SEMA6C: variants seen among roughly 807,000 people sequenced by gnomAD.
SEMA6C encodes the protein semaphorin 6C.
A neutral mutation model predicts 72.9 loss-of-function variants in SEMA6C; 37 were observed. The observed-to-expected ratio is 0.51, with a 90% confidence interval of 0.39 to 0.67. SEMA6C has a LOEUF of 0.67. SEMA6C is among the 30% of genes least tolerant of loss of function. The probability of loss-of-function intolerance (pLI) is 0.00; values close to 1 mark genes in which losing one functional copy is unlikely to be tolerated. For missense variants in SEMA6C, 1,189 were observed against 1,263.6 expected, an observed-to-expected ratio of 0.94 and a Z score of 0.89; for synonymous variants, 578 against 554.1, an observed-to-expected ratio of 1.04 and a Z score of -0.61.
chr1:151,134,925 C>A (rs1218294346), intron 15 of SEMA6C, 50 bp from the exon 16 acceptor site: 16 of 1,546,834 alleles, frequency 1.0e-5, no homozygotes, highest in Middle Eastern at 1.9e-4. Context: ...ACTCCAGTCA[C>A]TTTCCATTCT....
intron 15 of SEMA6C, 67 bp downstream of exon 15, chr1:151,135,094 CTG>C (rs1447546489): frequency 8.8e-6 from 14 of 1,584,688 alleles, no homozygotes; most frequent in Non-Finnish European, 1.2e-5. Context: ...CCCCAAAGAC[CTG>C]TGTTTCTGTG....
Position 151,134,409 on chromosome 1 carries a change from G to C in SEMA6C, c.1751C>G (p.Ser584Cys). 6.3e-7 allele frequency: 1 copy of C among 1,590,276 alleles called. No homozygotes were observed. Among genetic ancestry groups the C allele is most frequent in the Non-Finnish European group, 8.6e-7 (1 of 1,167,988 alleles). The change falls in exon 18 of 19, where the codon TCT becomes TGT. Residue 584 changes from serine (S) to cysteine (C), a missense_variant. Physicochemically the swap from Ser to Cys is moderately radical, Grantham distance 112 (BLOSUM62 -1). Coordinates refer to ENST00000368914, the MANE Select transcript of SEMA6C (RefSeq NM_030913.6). ...GGGACAAGAGGACTCACCATAAGCA[G>C]AATCCCCAGGGCCAGACTGACTCCC... Reference protein sequence around the residue: ...ATGSQSGPGDSAYGVRRDLPP... With the variant: ...ATGSQSGPGDCAYGVRRDLPP...
chr1:151,137,682 G>T, intron 10 of SEMA6C, 29 bp downstream of exon 10: 1 of 1,586,450 alleles, frequency 6.3e-7, no homozygotes, highest in Non-Finnish European at 8.6e-7. Flanking sequence ...GAACCCTCCA[G>T]CTACCCACCC....
At position 151,137,174 on chromosome 1, in the gene SEMA6C, G is replaced by C. The variant is rs895973400; in HGVS notation, c.757-100C>G. On this transcript the variant is annotated intron_variant, in intron 10 of 18. Transcript: ENST00000368914. ...TTAAGAGCAGTAAGGGGCTGGGCGC[G>C]GTGGCTCACGCCTGTAATCCCAACA... 3.1e-5 allele frequency: 31 copies of C among 1,007,652 alleles called. No homozygotes were observed. The East Asian group carries it at 7.1e-4, about 23-fold the overall frequency. 62.4% of individuals were successfully genotyped at this position (1,007,652 alleles called of 1,614,324 possible). A position where few individuals can be genotyped will look rare whatever the true frequency, so the allele number is the denominator to read the frequency against.
chr1:151,136,123 A>AGAACAG lies in SEMA6C; in HGVS notation c.1146_1147insCTGTTC (p.Leu381_Phe382dup), dbSNP rs765205817. 1.9e-6 allele frequency: 3 copies of AGAACAG among 1,613,976 alleles called. No homozygotes were observed. The highest frequency in any genetic ancestry group is 2.5e-6 in the Non-Finnish European group (3 of 1,179,990). Reference sequence around the variant, plus strand: ...TCATCAGGGAGGTCTCGGGAAGAGGAGAACAAGGCAGCTCCCCCTACTCCT... The same window carrying AGAACAG: ...TCATCAGGGAGGTCTCGGGAAGAGGAGAACAGGAACAAGGCAGCTCCCCCTACTCCT... On this transcript the variant is annotated inframe_insertion, in exon 13 of 19. Coordinates refer to ENST00000368914, the MANE Select transcript of SEMA6C (RefSeq NM_030913.6).
Position 151,138,041 on chromosome 1 carries a change from G to A in SEMA6C, c.612C>T (p.Ser204=), listed in dbSNP as rs1326933491. The change falls in exon 9 of 19, where the codon AGC becomes AGT. Residue 204 remains serine (S), a synonymous_variant. Coordinates refer to ENST00000368914, the MANE Select transcript of SEMA6C (RefSeq NM_030913.6). ...AGCGGAGTGGGGGCTGGGGCCCAAG[G>A]CTTCTGTAAACTACAGCATCACTGG... ...FQASDAVVYR[S]LGPQPPLRSA... 2 of 1,614,190 alleles carry A rather than the reference G, an allele frequency of 1.2e-6. No homozygotes were observed. The highest frequency in any genetic ancestry group is 1.7e-6 in the Non-Finnish European group (2 of 1,180,030).
Position 151,134,643 on chromosome 1 carries a change from G to T in SEMA6C, c.1691C>A (p.Ser564Tyr). 1.2e-6 allele frequency: 2 copies of T among 1,614,172 alleles called. No homozygotes were observed. The highest frequency in any genetic ancestry group is 1.7e-6 in the Non-Finnish European group (2 of 1,180,034). The change falls in exon 17 of 19, where the codon TCC becomes TAC. Residue 564 changes from serine (S) to tyrosine (Y), a missense_variant. By Grantham distance (144) the Ser-to-Tyr change is moderately radical. This residue lies in a region of SEMA6C where 721 missense variants were observed against 686.2 expected (regional missense o/e 1.05). Coordinates refer to ENST00000368914, the MANE Select transcript of SEMA6C (RefSeq NM_030913.6). ...TDVDQAGNQE[S>Y]MEHGDCQDGA... Reference sequence around the variant, plus strand: ...ACCTTGGCAGTCACCATGCTCCATGGATTCCTGGTTCCCAGCCTGATCCAC... The same window carrying T: ...ACCTTGGCAGTCACCATGCTCCATGTATTCCTGGTTCCCAGCCTGATCCAC...
rs758194382 is a variant in SEMA6C at position 151,138,092 on chromosome 1, G to C, written c.561C>G (p.Tyr187Ter). The C allele has an allele frequency of 6.2e-7, 1 of 1,613,982 alleles. No individual in the cohort carries two copies. The highest frequency in any genetic ancestry group is 8.5e-7 in the Non-Finnish European group (1 of 1,180,000). ...NVAIFAEGSL[Y>*]SATAADFQAS... ...CCTGGAAATCCGCAGCTGTGGCTGA[G>C]TACAGGCTGCCCTCTGGAGGGATGG... Residue 187 changes from tyrosine to a stop codon, truncating the protein, a stop_gained, in exon 9 of 19, where the codon TAC becomes TAG. Transcript: ENST00000368914. LOFTEE classifies it high-confidence loss of function.
Position 151,135,591 on chromosome 1 carries a change from CG to C in SEMA6C, c.1432del (p.Arg478GlyfsTer15), listed in dbSNP as rs1419021172. ...GGGGCCTGCCCTCCAAAGGCCTCAC[CG>C]GGCAGGGCTGTAGGCATCAATCTCT... ...LEEIDAYSPA[R>X]CSGKRTAQTA... On this transcript the variant is annotated frameshift_variant and splice_region_variant, in exon 14 of 19. Coordinates refer to ENST00000368914, the MANE Select transcript of SEMA6C (RefSeq NM_030913.6). LOFTEE classifies it high-confidence loss of function. 6.2e-7 allele frequency: 1 copy of C among 1,609,730 alleles called. No homozygotes were observed. The highest frequency in any genetic ancestry group is 2.2e-5 in the East Asian group (1 of 44,870).
In SEMA6C at chr1:151,132,422, G is replaced by A; in HGVS notation, c.*62C>T. ...GGGGCGGTGAAACGTCCTGAAGAGC[G>A]TCCAGCTCGTGGCCGAGAGGACTCG... is the stretch of plus-strand genomic sequence containing the variant. On this transcript the variant is annotated 3_prime_UTR_variant, in exon 19 of 19. Transcript: ENST00000368914. 2 of 1,524,234 alleles carry A rather than the reference G, an allele frequency of 1.3e-6. No homozygotes were observed. Among genetic ancestry groups the A allele is most frequent in the South Asian group, 2.5e-5 (2 of 80,428 alleles). The allele number at this position is 1,524,234 out of a possible 1,614,324, so 94.4% of individuals were successfully genotyped here. A position where few individuals can be genotyped will look rare whatever the true frequency, so the allele number is the denominator to read the frequency against.
rs188352737 is a variant in SEMA6C, at chr1:151,132,421, C to T, written c.*63G>A. 4 of 1,522,346 alleles carry T rather than the reference C, an allele frequency of 2.6e-6. No homozygotes were observed. Among genetic ancestry groups the T allele is most frequent in the Non-Finnish European group, 3.5e-6 (4 of 1,132,128 alleles). The allele number at this position is 1,522,346 out of a possible 1,614,324, so 94.3% of individuals were successfully genotyped here. On this transcript the variant is annotated 3_prime_UTR_variant, in exon 19 of 19. Coordinates refer to ENST00000368914, the MANE Select transcript of SEMA6C (RefSeq NM_030913.6). The stretch of plus-strand genomic sequence containing the variant: ...GGGGGCGGTGAAACGTCCTGAAGAG[C>T]GTCCAGCTCGTGGCCGAGAGGACTC...
In SEMA6C at chr1:151,140,051, T is replaced by C. The variant is rs771711178; in HGVS notation, c.158A>G (p.Asp53Gly). The change falls in exon 4 of 19, where the codon GAT becomes GGT. Residue 53 changes from aspartate (D) to glycine (G), a missense_variant. By Grantham distance (94) the Asp-to-Gly change is moderately conservative. This residue lies in a region of SEMA6C where 468 missense variants were observed against 577.4 expected (regional missense o/e 0.81). Transcript: ENST00000368914. The stretch of plus-strand genomic sequence containing the variant: ...CAGCCCAAGTTCTGCAGCCACAGCA[T>C]CATCCTCCAGGCCCCGAAACCAGGA... ...PLSWFRGLED[D>G]AVAAELGLDF... 4 of 1,614,046 alleles carry C rather than the reference T, an allele frequency of 2.5e-6. No homozygotes were observed. The highest frequency in any genetic ancestry group is 3.4e-6 in the Non-Finnish European group (4 of 1,180,046).
At position 151,132,491 on chromosome 1, in the gene SEMA6C, T is replaced by C. The variant is rs1169071840; in HGVS notation, c.2786A>G (p.Asn929Ser). ...RQAVPNGGRF[N>S]F is the part of the protein sequence containing the mutation. ...GGCCGTGGGCCGCTCCCTTTAAAAG[T>C]TGAAACGGCCGCCGTTCGGGACGGC... Residue 929 changes from asparagine (N) to serine (S), a missense_variant, in exon 19 of 19, where the codon AAC (asparagine) becomes AGC (serine). Physicochemically the swap from Asn to Ser is conservative, Grantham distance 46. Transcript: ENST00000368914. 1.3e-5 allele frequency: 20 copies of C among 1,548,382 alleles called. No homozygotes were observed. Among genetic ancestry groups the C allele is most frequent in the Middle Eastern group, 3.3e-4 (2 of 5,992 alleles).
chr1:151,136,764 C>A, intron 11 of SEMA6C, 93 bp downstream of exon 11: 1 of 1,404,684 alleles, frequency 7.1e-7, no homozygotes, highest in Non-Finnish European at 9.9e-7. Flanking sequence ...CGGAGGTTCC[C>A]TTAACTGCCC....
chr1:151,132,944 T>C lies in SEMA6C; in HGVS notation c.2333A>G (p.Gln778Arg). 5.7e-6 allele frequency: 8 copies of C among 1,404,976 alleles called. No individual in the cohort carries two copies. Among genetic ancestry groups the C allele is most frequent in the Non-Finnish European group, 7.4e-6 (8 of 1,076,608 alleles). The allele number at this position is 1,404,976 out of a possible 1,614,324, so 87.0% of individuals were successfully genotyped here. A position where few individuals can be genotyped will look rare whatever the true frequency, so the allele number is the denominator to read the frequency against. Residue 778 changes from glutamine (Q) to arginine (R), a missense_variant, in exon 19 of 19, where the codon CAG becomes CGG. Gln to Arg is a conservative substitution (Grantham distance 43). Coordinates refer to ENST00000368914, the MANE Select transcript of SEMA6C (RefSeq NM_030913.6). ...GGGCTCGGCCCCCTTTCTGGGCGGCTGCGGGCCGTGCAGGTAGCGCAGCAG... is the reference window on the plus strand; with the variant it reads ...GGGCTCGGCCCCCTTTCTGGGCGGCCGCGGGCCGTGCAGGTAGCGCAGCAG... Reference protein sequence around the residue: ...EELLRYLHGPQPPRKGAEPPA... With the variant: ...EELLRYLHGPRPPRKGAEPPA...
Position 151,144,746 on chromosome 1 carries a change from C to T in SEMA6C, c.-104-312G>A, listed in dbSNP as rs145877948. On this transcript the variant is annotated intron_variant, in intron 1 of 18. Transcript: ENST00000368914. ...CATGGCGACCACTCCCATGTTAAGG[C>T]CCTCAGAATCCAACAGCCTTCTTAG... Among the ~76,000 whole-genome samples, 53 of 152,268 alleles carry T rather than the reference C, an allele frequency of 3.5e-4. 1 individual carries two copies. The East Asian group carries it at 8.3e-3, about 24-fold the overall frequency.
chr1:151,134,964 A>T, intron 15 of SEMA6C, 89 bp from the exon 16 acceptor site: 1 of 1,398,954 alleles, frequency 7.1e-7, no homozygotes, highest in Non-Finnish European at 1.0e-6. Flanking sequence ...GGCTTACAGG[A>T]GGCTCCCAGC....
rs1450104143 is a variant in SEMA6C at position 151,132,523 on chromosome 1, G to T, written c.2754C>A (p.Ser918=). The change falls in exon 19 of 19, where the codon TCC becomes TCA. Residue 918 remains serine (S), a synonymous_variant. Coordinates refer to ENST00000368914, the MANE Select transcript of SEMA6C (RefSeq NM_030913.6). ...SLKPPLVGPS[S]RQAVPNGGRF... ...GGCCGCCGTTCGGGACGGCCTGGCG[G>T]GAGGAGGGCCCGACGAGGGGAGGCT... The T allele has an allele frequency of 6.5e-7, 1 of 1,550,320 alleles. No individual in the cohort carries two copies. Among genetic ancestry groups the T allele is most frequent in the African/African-American group, 1.4e-5 (1 of 73,166 alleles).
chr1:151,136,729 G>T (rs1040843823), intron 11 of SEMA6C, 128 bp downstream of exon 11: 2 of 1,334,346 alleles, frequency 1.5e-6, no homozygotes, highest in East Asian at 2.3e-5. Flanking sequence ...GAGAAAAAAT[G>T]GCAACACAGC....
Sources: allele counts gnomAD v4.1 joint callset (sites outside exome capture counted in the v4.1 genomes callset), GRCh38; gene constraint gnomAD v4.1.1; regional missense constraint gnomAD v4.1.1; transcripts MANE v1.5; gene names NCBI Gene and HGNC (gene_info 2026-07-23, HGNC 2026-07-21).